Variants in AANAT observed in about 807,000 individuals in gnomAD.
The protein encoded by AANAT is aralkylamine N-acetyltransferase.
AANAT carries 11 observed loss-of-function variants against 15.6 expected under a neutral mutation model. That is an observed-to-expected ratio of 0.71 (90% CI 0.44 to 1.17). The LOEUF (loss-of-function observed/expected upper bound fraction) is 1.17. Among genes scored for constraint, AANAT ranks in the 50% most tolerant of loss-of-function variants. The probability of loss-of-function intolerance (pLI) is 0.00; values close to 1 mark genes in which losing one functional copy is unlikely to be tolerated. For missense variants in AANAT, 286 were observed against 296.3 expected, an observed-to-expected ratio of 0.97 and a Z score of 0.26; for synonymous variants, 139 against 131.5, an observed-to-expected ratio of 1.06 and a Z score of -0.39.
At chr17:76,454,258 C>G (rs914807862) in intron 1 of AANAT, among the ~76,000 whole-genome samples, 1 of 151,366 alleles carries the variant, frequency 6.6e-6, no homozygotes, top group African/African-American at 2.4e-5. Flanking sequence ...GGGCGGATCA[C>G]GAGGTCAAGA....
rs1384363902 is a variant in AANAT at position 76,468,743 on chromosome 17, C to T, written c.-4C>T. 6.2e-7 allele frequency: 1 copy of T among 1,610,296 alleles called. No individual in the cohort carries two copies. The highest frequency in any genetic ancestry group is 8.5e-7 in the Non-Finnish European group (1 of 1,178,958). On this transcript the variant is annotated 5_prime_UTR_variant, in exon 2 of 4. Transcript: ENST00000392492. ...GGCGCCCCAAGGAGGCACCAGTGGC[C>T]AGAATGTCCACGCAGAGCACCCACC...
upstream of AANAT, chr17:76,467,431 CA>C: frequency 1.7e-6 from 1 of 574,828 alleles, no homozygotes. Flanking sequence ...CCTGGGGCCT[CA>C]GTCAGCCTCT....
At chr17:76,457,573 C>T (rs556337642) in intron 1 of AANAT, among the ~76,000 whole-genome samples, 7 of 152,156 alleles carry the variant, frequency 4.6e-5, no homozygotes, top group African/African-American at 7.2e-5. Flanking sequence ...CTACTAAGTG[C>T]TTTACATAGA....
Position 76,469,907 on chromosome 17 carries a change from C to G in AANAT, c.561C>G (p.Thr187=). 6.4e-7 allele frequency: 1 copy of G among 1,569,172 alleles called. No homozygotes were observed. Among genetic ancestry groups the G allele is most frequent in the Non-Finnish European group, 8.6e-7 (1 of 1,158,324 alleles). The change falls in exon 4 of 4, where the codon ACC becomes ACG. Residue 187 remains threonine (T), a synonymous_variant. Transcript: ENST00000392492. The surrounding 1 kb of genome is among the most constrained non-coding windows in gnomAD (Gnocchi z 5.2). ...GCGCCATCACCGTGGGCTCCCTCACCTTCATGGAGCTCCACTGCTCCCTGC... is the reference window on the plus strand; with the variant it reads ...GCGCCATCACCGTGGGCTCCCTCACGTTCATGGAGCTCCACTGCTCCCTGC... ...GPCAITVGSL[T]FMELHCSLRG... is the part of the protein sequence containing the mutation.
At chr17:76,454,538 G>A (rs747772680) in intron 1 of AANAT, among the ~76,000 whole-genome samples, 36 of 152,006 alleles carry the variant, frequency 2.4e-4, no homozygotes, top group Non-Finnish European at 4.3e-4. Flanking sequence ...TCTAGGGCCA[G>A]GCGTGGTGGC....
At position 76,469,451 on chromosome 17, in the gene AANAT, G is replaced by A; in HGVS notation, c.318+124G>A. ...TCCAGAACTGGAGAGATGAGTACAG[G>A]CCACAGGCCCCTCCCAGAGCAAGAC... On this transcript the variant is annotated intron_variant, in intron 3 of 3. Transcript: ENST00000392492. This position sits in a 1 kb window ranked among gnomAD's most constrained non-coding sequence, Gnocchi z 5.2. 7.3e-7 allele frequency: 1 copy of A among 1,373,890 alleles called. No homozygotes were observed. Among genetic ancestry groups the A allele is most frequent in the Non-Finnish European group, 9.9e-7 (1 of 1,012,952 alleles). The allele number at this position is 1,373,890 out of a possible 1,614,324, so 85.1% of individuals were successfully genotyped here.
chr17:76,466,358 G>C (rs1203782224), upstream of AANAT: 1 of 614,170 alleles, frequency 1.6e-6, no homozygotes, highest in Non-Finnish European at 2.7e-6. Context: ...TCAGAGTGCA[G>C]AGGGGCCCTG....
chr17:76,454,809 C>T (rs1292390592), intron 1 of AANAT, among the ~76,000 whole-genome samples: 1 of 150,664 alleles, frequency 6.6e-6, no homozygotes, highest in Non-Finnish European at 1.5e-5. Context: ...GGCAACAGAG[C>T]AGGACTCTGT....
chr17:76,454,516 A>C (rs1246493122), intron 1 of AANAT, among the ~76,000 whole-genome samples: 2 of 151,532 alleles, frequency 1.3e-5, no homozygotes, highest in African/African-American at 4.9e-5. Context: ...TAAATAAAAT[A>C]TAAAAAGTAA....
rs1432188315 is a variant in AANAT at position 76,468,682 on chromosome 17, G to A, written c.-65G>A. On this transcript the variant is annotated 5_prime_UTR_variant, in exon 2 of 4. Transcript: ENST00000392492. Reference sequence around the variant, plus strand: ...GCTGTTCTCCAACAGGTGCTGGGAGGCCCTCCTTGGCTTAGGAGGACACTT... The same window carrying A: ...GCTGTTCTCCAACAGGTGCTGGGAGACCCTCCTTGGCTTAGGAGGACACTT... 6.4e-7 allele frequency: 1 copy of A among 1,552,480 alleles called. No individual in the cohort carries two copies. Among genetic ancestry groups the A allele is most frequent in the Admixed American group, 1.9e-5 (1 of 51,864 alleles).
In AANAT at chr17:76,468,880, C is replaced by T; in HGVS notation, c.134C>T (p.Ala45Val). The change falls in exon 2 of 4, where the codon GCT becomes GTT. Residue 45 changes from alanine (A) to valine (V), a missense_variant. Coordinates refer to ENST00000392492, the MANE Select transcript of AANAT (RefSeq NM_001088.3). ...SEFRCLTPEDAVSAFEIEREA... is the reference protein window; with the variant it reads ...SEFRCLTPEDVVSAFEIEREA... ...TTTCGCTGCCTCACCCCGGAGGACGCTGTCAGCGCCTTTGAGATCGAGCGT... is the reference window on the plus strand; with the variant it reads ...TTTCGCTGCCTCACCCCGGAGGACGTTGTCAGCGCCTTTGAGATCGAGCGT... 6.2e-7 allele frequency: 1 copy of T among 1,613,580 alleles called. No homozygotes were observed. Among genetic ancestry groups the T allele is most frequent in the Non-Finnish European group, 8.5e-7 (1 of 1,180,006 alleles).
At chr17:76,463,615 G>T (rs950584580), upstream of AANAT, among the ~76,000 whole-genome samples, 2 of 151,944 alleles carry the variant, frequency 1.3e-5, no homozygotes, top group Admixed American at 1.3e-4. Context: ...GCCTTTTCTG[G>T]AAGGATTCTT....
intron 1 of AANAT, among the ~76,000 whole-genome samples, chr17:76,458,849 T>G (rs77651814): frequency 6.6e-6 from 1 of 152,112 alleles, no homozygotes; most frequent in African/African-American, 2.4e-5. Flanking sequence ...TAGGGTGCCT[T>G]AGGCACTGGG....
intron 1 of AANAT, among the ~76,000 whole-genome samples, chr17:76,458,877 G>A (rs1449605871): frequency 6.6e-6 from 1 of 152,254 alleles, no homozygotes; most frequent in African/African-American, 2.4e-5. Flanking sequence ...GCTGGGGGGT[G>A]GGGTGGGAGG....
At chr17:76,460,576 T>C (rs141975252) in intron 2 of AANAT, among the ~76,000 whole-genome samples, 13,419 of 152,206 alleles carry the variant, frequency 0.088, 819 homozygotes, top group Admixed American at 0.18. Context: ...GCCAGGATTA[T>C]AGGCATGAGC....
chr17:76,461,129 C>T (rs1003914463), intron 2 of AANAT, among the ~76,000 whole-genome samples: 1 of 151,806 alleles, frequency 6.6e-6, no homozygotes, highest in Non-Finnish European at 1.5e-5. Context: ...CGCGCCACTG[C>T]ACTCCAGCCT....
At chr17:76,464,941 G>A (rs1022153528), upstream of AANAT, among the ~76,000 whole-genome samples, 1 of 151,794 alleles carries the variant, frequency 6.6e-6, no homozygotes, top group Admixed American at 6.6e-5. Flanking sequence ...GATTACAAGC[G>A]CCCACCACCA....
rs939546733 is a variant in AANAT at position 76,469,522 on chromosome 17, C to A, written c.319-143C>A. 3 of 1,227,586 alleles carry A rather than the reference C, an allele frequency of 2.4e-6. No homozygotes were observed. The African/African-American group carries it at 4.6e-5, about 19-fold the overall frequency. 76.0% of individuals were successfully genotyped at this position (1,227,586 alleles called of 1,614,324 possible). A position where few individuals can be genotyped will look rare whatever the true frequency, so the allele number is the denominator to read the frequency against. ...CTCCATGGGGTTGGGGGTATGGCTC[C>A]CAATTTGGGGCCCTCCTTTGCTGGG... On this transcript the variant is annotated intron_variant, in intron 3 of 3. Coordinates refer to ENST00000392492, the MANE Select transcript of AANAT (RefSeq NM_001088.3). This position sits in a 1 kb window ranked among gnomAD's most constrained non-coding sequence, Gnocchi z 5.2.
chr17:76,453,734 G>A (rs1220286880), exon 1 of AANAT: 1 of 152,248 alleles, frequency 6.6e-6, no homozygotes. Context: ...CGAACGTCAT[G>A]ACCCCTCAGA....
Sources: gnomAD v4.1 joint callset for allele counts (sites outside exome capture counted in the v4.1 genomes callset) on GRCh38, gnomAD v4.1.1 for gene constraint, Gnocchi (gnomAD v3.1) non-coding constraint, MANE v1.5 for transcripts, NCBI Gene and HGNC (gene_info 2026-07-23, HGNC 2026-07-21) for gene names.